Variants in PTPRM observed in about 807,000 individuals in gnomAD.
PTPRM encodes receptor-type tyrosine-protein phosphatase mu.
Under a neutral mutation model 186.7 loss-of-function variants are expected in PTPRM, and 47 were observed. The observed-to-expected ratio is 0.25, with a 90% CI of 0.20 to 0.32. The LOEUF (loss-of-function observed/expected upper bound fraction) is 0.32, where lower values mean the gene tolerates loss of function less well. PTPRM is among the 10% of genes least tolerant of loss of function. The probability of loss-of-function intolerance (pLI) is 1.00; values close to 1 mark genes in which losing one functional copy is unlikely to be tolerated. For missense variants in PTPRM, 1,494 were observed against 1,865.0 expected (o/e 0.80, Z 3.66); for synonymous variants, 668 against 674.9 (o/e 0.99, Z 0.16).
At chr18:8,135,666 A>G (rs1264302500) in intron 13 of PTPRM, among the ~76,000 whole-genome samples, 1 of 152,192 alleles carries the variant, frequency 6.6e-6, no homozygotes. Context: ...TTGAGGAACT[A>G]TTGTGTGTTT....
rs552892317 is a variant in PTPRM, at chr18:7,759,897, A to T, written c.74-14252A>T. ...GGTTAAGGAGAGTTGTACGGAAACT[A>T]TAATATTAGGTGTTCTTCAGTGATC... On this transcript the variant is annotated intron_variant, in intron 1 of 32. Transcript: ENST00000580170. Among the ~76,000 whole-genome samples, 3 of 152,190 alleles carry T rather than the reference A, an allele frequency of 2.0e-5. No individual in the cohort carries two copies. The East Asian group carries it at 5.8e-4, about 29-fold the overall frequency.
intron 2 of PTPRM, among the ~76,000 whole-genome samples, chr18:7,822,176 A>C (rs972133460): frequency 6.6e-6 from 1 of 152,192 alleles, no homozygotes; most frequent in Non-Finnish European, 1.5e-5. Flanking sequence ...CTGATGCTCA[A>C]TACTTCTTGT....
intron 1 of PTPRM, among the ~76,000 whole-genome samples, chr18:7,771,194 T>A (rs1217802206): frequency 3.3e-5 from 5 of 152,230 alleles, no homozygotes; most frequent in Admixed American, 2.6e-4. Flanking sequence ...TGCTTATCAC[T>A]ATTTCTCACT....
At chr18:7,860,057 A>AT (rs1233451269) in intron 2 of PTPRM, among the ~76,000 whole-genome samples, 1 of 151,562 alleles carries the variant, frequency 6.6e-6, no homozygotes, top group Non-Finnish European at 1.5e-5. Context: ...TGCCAGTTTT[A>AT]TTTTTTAAAT....
chr18:7,590,671 G>T (rs926345397), intron 1 of PTPRM, among the ~76,000 whole-genome samples: 1 of 152,116 alleles, frequency 6.6e-6, no homozygotes, highest in Non-Finnish European at 1.5e-5. Context: ...AATATTTAAG[G>T]GTGTGAGATA....
intron 2 of PTPRM, among the ~76,000 whole-genome samples, chr18:7,872,049 G>A (rs754621917): frequency 6.6e-6 from 1 of 152,202 alleles, no homozygotes; most frequent in Non-Finnish European, 1.5e-5. Flanking sequence ...CATTGTGGTA[G>A]TTAATTCAAC....
intron 19 of PTPRM, among the ~76,000 whole-genome samples, chr18:8,289,467 TAC>T (rs374377295): frequency 0.014 from 898 of 65,958 alleles, 58 homozygotes; most frequent in Non-Finnish European, 0.016. Context: ...TACATATATA[TAC>T]ACACATATGT....
At chr18:7,596,827 CCTTA>C (rs1375750057) in intron 1 of PTPRM, among the ~76,000 whole-genome samples, 6 of 151,800 alleles carry the variant, frequency 4.0e-5, no homozygotes, top group Non-Finnish European at 8.8e-5. Flanking sequence ...AAGTATTTTC[CCTTA>C]CTTTCTTCAT....
intron 2 of PTPRM, among the ~76,000 whole-genome samples, chr18:7,792,377 A>T (rs977282417): frequency 6.6e-6 from 1 of 152,134 alleles, no homozygotes; most frequent in African/African-American, 2.4e-5. Flanking sequence ...AAAACCCCAG[A>T]AGGTGCATGA....
At position 8,271,684 on chromosome 18, in the gene PTPRM, A is replaced by G. The variant is rs538568552; in HGVS notation, c.2754+18270A>G. Among the ~76,000 whole-genome samples the G allele has an allele frequency of 5.9e-5, 9 of 152,162 alleles. No homozygotes were observed. In the East Asian group the frequency reaches 1.7e-3, roughly 29 times the overall value. On this transcript the variant is annotated intron_variant, in intron 19 of 32. Transcript: ENST00000580170. ...TTTCAGTAGTTAATAGGTCTGTTAC[A>G]GATTTCTCATTTTTCTTGAGTTAAT...
At chr18:7,996,594 C>A (rs1305207211) in intron 7 of PTPRM, among the ~76,000 whole-genome samples, 1 of 152,006 alleles carries the variant, frequency 6.6e-6, no homozygotes, top group African/African-American at 2.4e-5. Context: ...AGGAAGAAGT[C>A]GGATTGTCCT....
At chr18:8,104,507 T>A (rs1322099647) in intron 11 of PTPRM, among the ~76,000 whole-genome samples, 1 of 152,198 alleles carries the variant, frequency 6.6e-6, no homozygotes, top group Non-Finnish European at 1.5e-5. Flanking sequence ...TGCAGTAGCA[T>A]GATCATAGCT....
chr18:8,106,057 G>T (rs974519586), intron 11 of PTPRM, among the ~76,000 whole-genome samples: 3 of 152,082 alleles, frequency 2.0e-5, no homozygotes, highest in African/African-American at 7.2e-5. Context: ...CCTTACCTCA[G>T]GCCTTGTGGG....
chr18:7,807,950 G>T (rs16952550), intron 2 of PTPRM, among the ~76,000 whole-genome samples: 6 of 151,886 alleles, frequency 4.0e-5, no homozygotes, highest in Non-Finnish European at 5.9e-5. Flanking sequence ...TTTACTCCTC[G>T]GATTCGTGGC....
At chr18:7,682,246 C>T (rs1017209113) in intron 1 of PTPRM, among the ~76,000 whole-genome samples, 4 of 152,130 alleles carry the variant, frequency 2.6e-5, no homozygotes, top group Non-Finnish European at 5.9e-5. Flanking sequence ...GAGGATACCC[C>T]ACTAAGTATA....
intron 1 of PTPRM, among the ~76,000 whole-genome samples, chr18:7,584,771 T>C (rs1229397301): frequency 1.3e-5 from 2 of 152,208 alleles, no homozygotes; most frequent in Non-Finnish European, 2.9e-5. Context: ...TACCTAGCAC[T>C]GAGAGTGAAA....
intron 1 of PTPRM, among the ~76,000 whole-genome samples, chr18:7,597,057 G>T (rs908237716): frequency 1.3e-5 from 2 of 152,082 alleles, no homozygotes; most frequent in Non-Finnish European, 2.9e-5. Context: ...GTTTTGCCAC[G>T]TTGGCTAGGC....
At chr18:8,179,187 C>T (rs910837841) in intron 14 of PTPRM, among the ~76,000 whole-genome samples, 31 of 152,220 alleles carry the variant, frequency 2.0e-4, no homozygotes, top group African/African-American at 7.5e-4. Flanking sequence ...CAGATTATTA[C>T]TGCACTTATG....
At chr18:7,756,914 T>A (rs1349784220) in intron 1 of PTPRM, among the ~76,000 whole-genome samples, 2 of 152,304 alleles carry the variant, frequency 1.3e-5, no homozygotes, top group Non-Finnish European at 2.9e-5. Context: ...ATAGTCTCCT[T>A]CCTGCCCAGT....
Sources: gnomAD v4.1 joint callset for allele counts (sites outside exome capture counted in the v4.1 genomes callset) on GRCh38, gnomAD v4.1.1 for gene constraint, MANE v1.5 for transcripts, NCBI Gene and HGNC (gene_info 2026-07-23, HGNC 2026-07-21) for gene names.